The following SNAP91 variants were observed in gnomAD, a reference collection of about 807,000 sequenced individuals.
The protein encoded by SNAP91 is synaptosome associated protein 91.
In SNAP91, 27 loss-of-function variants were observed where a neutral mutation model predicts 100.3. That is an observed-to-expected ratio of 0.27 (90% confidence interval 0.20 to 0.37). The LOEUF (loss-of-function observed/expected upper bound fraction) is 0.37, where lower values mean the gene tolerates loss of function less well. SNAP91 is among the 10% of genes least tolerant of loss of function. The pLI is 1.00. For missense variants in SNAP91, 986 were observed against 1,123.7 expected, an observed-to-expected ratio of 0.88 and a Z score of 1.75; for synonymous variants, 404 against 398.6, an observed-to-expected ratio of 1.01 and a Z score of -0.16.
At position 83,568,209 on chromosome 6, in the gene SNAP91, G is replaced by A. The variant is rs552060730; in HGVS notation, c.2442+6801C>T. 2.1e-3 allele frequency among the ~76,000 whole-genome samples: 314 copies of A among 152,154 alleles called. 1 individual carries two copies. The highest frequency in any genetic ancestry group is 7.0e-3 in the African/African-American group (292 of 41,498). Reference sequence around the variant, plus strand: ...CGTCTTTTGTAGGGACATGGATGAAGCTGGAAACCATCATTCTCAGCAAAC... The same window carrying A: ...CGTCTTTTGTAGGGACATGGATGAAACTGGAAACCATCATTCTCAGCAAAC... On this transcript the variant is annotated intron_variant, in intron 26 of 29. Coordinates refer to ENST00000369694, the MANE Select transcript of SNAP91 (RefSeq NM_001242792.2).
At chr6:83,640,182 T>C (rs2097634125) in intron 8 of SNAP91, among the ~76,000 whole-genome samples, 1 of 152,192 alleles carries the variant, frequency 6.6e-6, no homozygotes. Context: ...AATTTTCATG[T>C]GACAATTATT....
At chr6:83,595,775 T>C (rs149485027) in intron 16 of SNAP91, among the ~76,000 whole-genome samples, 1 of 152,348 alleles carries the variant, frequency 6.6e-6, no homozygotes, top group East Asian at 1.9e-4. Flanking sequence ...CCTTGGTGAT[T>C]TACTTAGTAT....
chr6:83,585,541 A>AAAC lies in SNAP91; in HGVS notation c.2015-3186_2015-3185insGTT, dbSNP rs1554217440. ...GTGACCTTGTTGCTTAAAAAAAAAA[A>AAAC]AAAAAGAAAGGTGCTCTATGGAATG... is the stretch of plus-strand genomic sequence containing the variant. On this transcript the variant is annotated intron_variant, in intron 22 of 29. Transcript: ENST00000369694. Among the ~76,000 whole-genome samples, 206 of 147,822 alleles carry AAAC rather than the reference A, an allele frequency of 1.4e-3. 3 individuals are homozygous for AAAC. Among genetic ancestry groups the AAAC allele is most frequent in the African/African-American group, 2.7e-3 (107 of 40,270 alleles).
Position 83,614,852 on chromosome 6 carries a change from C to G in SNAP91, c.884+5G>C. ...TGCAAAAAACTCACTCCATACAGTA[C>G]TCACCCTTCACTTAAGTTCCAAGGT... On this transcript the variant is annotated splice_donor_5th_base_variant and intron_variant, in intron 11 of 29. Coordinates refer to ENST00000369694, the MANE Select transcript of SNAP91 (RefSeq NM_001242792.2). 1 of 1,591,704 alleles carries G rather than the reference C, an allele frequency of 6.3e-7. No individual in the cohort carries two copies. The highest frequency in any genetic ancestry group is 8.5e-7 in the Non-Finnish European group (1 of 1,175,246).
chr6:83,607,533 G>A (rs2095708151), intron 13 of SNAP91, among the ~76,000 whole-genome samples, 166 bp downstream of exon 13: 1 of 152,074 alleles, frequency 6.6e-6, no homozygotes. Context: ...TCTTTCTAAT[G>A]ATTTAAGAGG....
intron 7 of SNAP91, among the ~76,000 whole-genome samples, chr6:83,648,110 C>A (rs2098028297): frequency 6.6e-6 from 1 of 152,170 alleles, no homozygotes; most frequent in African/African-American, 2.4e-5. Flanking sequence ...CTTTGCAGTT[C>A]ATTCCTTCCT....
chr6:83,621,091 A>G (rs2128397843), intron 9 of SNAP91, among the ~76,000 whole-genome samples: 1 of 152,268 alleles, frequency 6.6e-6, no homozygotes, highest in South Asian at 2.1e-4. Flanking sequence ...TCATATAGGT[A>G]AATTGCATGT....
chr6:83,676,232 A>C (rs779110461), intron 2 of SNAP91, among the ~76,000 whole-genome samples: 4 of 152,184 alleles, frequency 2.6e-5, no homozygotes, highest in Admixed American at 6.5e-5. Flanking sequence ...ATATAATAGC[A>C]GTGAACAAAA....
At chr6:83,569,054 A>G (rs1801905820) in intron 26 of SNAP91, among the ~76,000 whole-genome samples, 2 of 152,174 alleles carry the variant, frequency 1.3e-5, no homozygotes, top group Non-Finnish European at 1.5e-5. Context: ...CAGCTTTGTT[A>G]GGAAAGAACA....
intron 26 of SNAP91, among the ~76,000 whole-genome samples, chr6:83,569,106 T>C (rs973684711): frequency 9.9e-5 from 15 of 152,026 alleles, no homozygotes; most frequent in Admixed American, 2.0e-4. Context: ...TAAAAGAATA[T>C]AGATAAAACT....
chr6:83,645,664 T>C (rs2097886310), intron 7 of SNAP91, among the ~76,000 whole-genome samples: 1 of 151,796 alleles, frequency 6.6e-6, no homozygotes, highest in South Asian at 2.1e-4. Flanking sequence ...TTGGGCAACA[T>C]AGCAAGCCCC....
chr6:83,706,041 TC>T (rs2129073800), intron 2 of SNAP91, among the ~76,000 whole-genome samples: 1 of 152,298 alleles, frequency 6.6e-6, no homozygotes, highest in East Asian at 1.9e-4. Flanking sequence ...TTGGAAAACC[TC>T]CTACCTTCAA....
At chr6:83,668,556 C>T (rs1441371982) in intron 2 of SNAP91, among the ~76,000 whole-genome samples, 1 of 152,064 alleles carries the variant, frequency 6.6e-6, no homozygotes, top group African/African-American at 2.4e-5. Flanking sequence ...TGGAAACCAT[C>T]ATTCTCAGCA....
At chr6:83,621,626 G>T (rs1262412422) in intron 9 of SNAP91, among the ~76,000 whole-genome samples, 3 of 152,080 alleles carry the variant, frequency 2.0e-5, no homozygotes, top group Non-Finnish European at 4.4e-5. Flanking sequence ...CCAAGTATAT[G>T]ATTTCAATGA....
At chr6:83,572,716 C>T (rs1433741808) in intron 26 of SNAP91, among the ~76,000 whole-genome samples, 1 of 152,146 alleles carries the variant, frequency 6.6e-6, no homozygotes, top group African/African-American at 2.4e-5. Flanking sequence ...GTGATAAGGG[C>T]AACATCACGA....
intron 12 of SNAP91, 119 bp downstream of exon 12, chr6:83,610,531 T>G: frequency 3.2e-6 from 1 of 316,738 alleles, no homozygotes; most frequent in Non-Finnish European, 6.2e-6. Context: ...CGGAAATGGA[T>G]AGAGAGGATG....
chr6:83,655,842 A>G (rs985642823), intron 7 of SNAP91, among the ~76,000 whole-genome samples: 2 of 152,132 alleles, frequency 1.3e-5, no homozygotes, highest in African/African-American at 2.4e-5. Context: ...TTCTCCCTCA[A>G]ATTATACCCA....
At chr6:83,645,320 A>G (rs1005455730) in intron 7 of SNAP91, among the ~76,000 whole-genome samples, 19 of 152,054 alleles carry the variant, frequency 1.2e-4, no homozygotes, top group African/African-American at 4.6e-4. Context: ...GAAGTTACAG[A>G]GATTTCCCAT....
rs1383345239 is a variant in SNAP91 at position 83,574,970 on chromosome 6, C to A, written c.2442+40G>T. Reference sequence around the variant, plus strand: ...GCTACTTTACACACTTGGAAACTGGCAAACTGCCTGCGCTGCCCTGGGCTC... The same window carrying A: ...GCTACTTTACACACTTGGAAACTGGAAAACTGCCTGCGCTGCCCTGGGCTC... On this transcript the variant is annotated intron_variant, in intron 26 of 29. Transcript: ENST00000369694. The A allele has an allele frequency of 2.2e-6, 3 of 1,371,782 alleles. No individual in the cohort carries two copies. In the Admixed American group the frequency reaches 6.2e-5, roughly 28 times the overall value. The allele number at this position is 1,371,782 out of a possible 1,614,324, so 85.0% of individuals were successfully genotyped here. A position where few individuals can be genotyped will look rare whatever the true frequency, so the allele number is the denominator to read the frequency against.
Sources: allele counts gnomAD v4.1 joint callset (sites outside exome capture counted in the v4.1 genomes callset), GRCh38; gene constraint gnomAD v4.1.1; transcripts MANE v1.5; gene names NCBI Gene and HGNC (gene_info 2026-07-23, HGNC 2026-07-21).